Variants in CDYL2 observed in about 807,000 individuals in gnomAD.
The protein encoded by CDYL2 is chromodomain Y-like protein 2.
In CDYL2, 23 loss-of-function variants were observed where a neutral mutation model predicts 49.4. That is an observed-to-expected ratio of 0.47 (90% CI 0.34 to 0.66). CDYL2 has a LOEUF of 0.66. CDYL2 is among the 30% of genes least tolerant of loss of function. CDYL2 has a pLI of 0.01. For missense variants in CDYL2, 678 were observed against 656.4 expected, an observed-to-expected ratio of 1.03 and a Z score of -0.36; for synonymous variants, 360 against 268.8, an observed-to-expected ratio of 1.34 and a Z score of -3.32.
chr16:80,712,161 GTA>G lies in CDYL2; in HGVS notation c.25-27034_25-27033del, dbSNP rs1340610978. Among the ~76,000 whole-genome samples the G allele has an allele frequency of 1.5e-4, 19 of 128,938 alleles. 1 individual carries two copies. Among genetic ancestry groups the G allele is most frequent in the African/African-American group, 3.8e-4 (13 of 34,576 alleles). The allele number at this position is 128,938 out of a possible 152,430, so 84.6% of individuals were successfully genotyped here. ...TACATATATGTGTATATACATGTGT[GTA>G]TATATATGTGTCTTTGTGTCTGTGT... On this transcript the variant is annotated intron_variant, in intron 1 of 6. Transcript: ENST00000570137.
intron 2 of CDYL2, among the ~76,000 whole-genome samples, chr16:80,652,789 C>G (rs117934619): frequency 0.014 from 2,093 of 152,288 alleles, 14 homozygotes; most frequent in Middle Eastern, 0.024. Flanking sequence ...CACAACACCA[C>G]TCTAATCATG....
rs1211358459 is a variant in CDYL2 at position 80,759,150 on chromosome 16, A to ATATATATATGGTTTATATAT, written c.24+44999_24+45000insATATATAAACCATATATATA. On this transcript the variant is annotated intron_variant, in intron 1 of 6. Coordinates refer to ENST00000570137, the MANE Select transcript of CDYL2 (RefSeq NM_152342.4). Reference sequence around the variant, plus strand: ...TATATATATATATATGGTTTATATAAATATATGGTTTATATATATATATAT... The same window carrying ATATATATATGGTTTATATAT: ...TATATATATATATATGGTTTATATAATATATATATGGTTTATATATATATATGGTTTATATATATATATAT... 1.7e-3 allele frequency among the ~76,000 whole-genome samples: 136 copies of ATATATATATGGTTTATATAT among 80,742 alleles called. 1 individual carries two copies. The highest frequency in any genetic ancestry group is 6.7e-3 in the African/African-American group (134 of 20,022). The allele number at this position is 80,742 out of a possible 152,430, so 53.0% of individuals were successfully genotyped here. A position where few individuals can be genotyped will look rare whatever the true frequency, so the allele number is the denominator to read the frequency against.
chr16:80,661,187 G>A (rs1270963665), intron 2 of CDYL2, among the ~76,000 whole-genome samples: 2 of 152,076 alleles, frequency 1.3e-5, no homozygotes, highest in Admixed American at 6.5e-5. Context: ...AGGAAGGGAG[G>A]AAAAGTTTAG....
At chr16:80,759,102 C>A (rs1479765657) in intron 1 of CDYL2, among the ~76,000 whole-genome samples, 24 of 63,362 alleles carry the variant, frequency 3.8e-4, no homozygotes, top group East Asian at 2.5e-3. Context: ...AAACCATATA[C>A]TATATATATA....
At chr16:80,779,799 C>T (rs3098599) in intron 1 of CDYL2, among the ~76,000 whole-genome samples, 93,389 of 151,968 alleles carry the variant, frequency 0.61, 30,239 homozygotes, top group African/African-American at 0.81. Context: ...CATGTAAGTG[C>T]AAAGACAGAC....
Position 80,600,878 on chromosome 16 carries a change from A to T in CDYL2, c.*3510T>A, listed in dbSNP as rs1259963017. On this transcript the variant is annotated 3_prime_UTR_variant, in exon 7 of 7. Transcript: ENST00000570137. ...GCTATTTTTAAATGTGGATATTCAG[A>T]GATACAGTTGCATTGTTCAAAGTCT... The T allele has an allele frequency of 6.6e-6, 1 of 152,230 alleles. No homozygotes were observed. Among genetic ancestry groups the T allele is most frequent in the Non-Finnish European group, 1.5e-5 (1 of 68,032 alleles). 9.4% of individuals were successfully genotyped at this position (152,230 alleles called of 1,614,324 possible). A position where few individuals can be genotyped will look rare whatever the true frequency, so the allele number is the denominator to read the frequency against.
At chr16:80,687,830 G>A (rs1910260086) in intron 1 of CDYL2, among the ~76,000 whole-genome samples, 1 of 152,136 alleles carries the variant, frequency 6.6e-6, no homozygotes. Context: ...TATCTCTTGG[G>A]GTTGTTGCGG....
intron 4 of CDYL2, among the ~76,000 whole-genome samples, chr16:80,615,717 C>T (rs539129525): frequency 6.6e-6 from 1 of 152,114 alleles, no homozygotes; most frequent in African/African-American, 2.4e-5. Flanking sequence ...ATCCATGAAA[C>T]GGAATCAGGG....
intron 1 of CDYL2, among the ~76,000 whole-genome samples, chr16:80,786,801 T>C (rs1907450776): frequency 6.6e-6 from 1 of 152,110 alleles, no homozygotes; most frequent in Non-Finnish European, 1.5e-5. Flanking sequence ...ACCATCATTC[T>C]CAGCAAACTA....
intron 4 of CDYL2, among the ~76,000 whole-genome samples, chr16:80,614,878 A>G (rs1157530271): frequency 6.6e-6 from 1 of 151,768 alleles, no homozygotes; most frequent in East Asian, 1.9e-4. Context: ...AGAAAAAAAA[A>G]AAAAAAAAAA....
chr16:80,661,231 G>T lies in CDYL2; in HGVS notation c.616+23307C>A, dbSNP rs148797461. 3.4e-3 allele frequency among the ~76,000 whole-genome samples: 514 copies of T among 152,052 alleles called. 5 individuals carry two copies. Among genetic ancestry groups the T allele is most frequent in the African/African-American group, 0.012 (478 of 41,460 alleles). The stretch of plus-strand genomic sequence containing the variant: ...CTGAAGGATGCTATCCCCAATTGAG[G>T]GATACATTATCCATTCTGGTTCCTC... On this transcript the variant is annotated intron_variant, in intron 2 of 6. Coordinates refer to ENST00000570137, the MANE Select transcript of CDYL2 (RefSeq NM_152342.4).
At chr16:80,665,505 T>TAAAAAAAAAAAAAAA (rs35248259) in intron 2 of CDYL2, among the ~76,000 whole-genome samples, 5 of 121,638 alleles carry the variant, frequency 4.1e-5, no homozygotes, top group African/African-American at 1.7e-4. Context: ...TTTTTGCCAT[T>TAAAAAAAAAAAAAAA]AAAAAAAAAA....
intron 1 of CDYL2, among the ~76,000 whole-genome samples, chr16:80,735,907 A>AG (rs1467623060): frequency 6.6e-6 from 1 of 152,244 alleles, no homozygotes; most frequent in Non-Finnish European, 1.5e-5. Context: ...TAGAGAGAGC[A>AG]GGGCAAGGCA....
At chr16:80,666,206 G>A (rs140917679) in intron 2 of CDYL2, among the ~76,000 whole-genome samples, 117 of 152,254 alleles carry the variant, frequency 7.7e-4, no homozygotes, top group Middle Eastern at 3.4e-3. Flanking sequence ...TTGAACACAC[G>A]GAGCCTCTTT....
Position 80,748,099 on chromosome 16 carries a change from T to A in CDYL2, c.24+56051A>T, listed in dbSNP as rs550818054. On this transcript the variant is annotated intron_variant, in intron 1 of 6. Coordinates refer to ENST00000570137, the MANE Select transcript of CDYL2 (RefSeq NM_152342.4). ...GTTCAGCCATGGAGCCAGTTCACAC[T>A]CACAGGTGATTCTGGGAAGATTAAA... 4.9e-3 allele frequency among the ~76,000 whole-genome samples: 730 copies of A among 149,812 alleles called. 7 individuals are homozygous for A. Among genetic ancestry groups the A allele is most frequent in the Middle Eastern group, 0.021 (6 of 284 alleles).
chr16:80,712,213 A>ATATATATATATATATATC (rs1567581146), intron 1 of CDYL2, among the ~76,000 whole-genome samples: 4 of 107,468 alleles, frequency 3.7e-5, no homozygotes, highest in South Asian at 2.8e-4. Context: ...ATATATATAT[A>ATATATATATATATATATC]TATCTCCAAA....
intron 2 of CDYL2, among the ~76,000 whole-genome samples, chr16:80,640,789 A>G (rs150898254): frequency 1.0e-3 from 158 of 152,318 alleles, no homozygotes; most frequent in Middle Eastern, 3.4e-3. Context: ...TTGTGTAGCT[A>G]AAAAGCGTAA....
intron 2 of CDYL2, among the ~76,000 whole-genome samples, chr16:80,674,837 C>T (rs1197113709): frequency 6.6e-6 from 1 of 152,222 alleles, no homozygotes; most frequent in Non-Finnish European, 1.5e-5. Flanking sequence ...TGGTGAAGAT[C>T]TTTGTCCTTT....
intron 2 of CDYL2, chr16:80,679,826 A>G: frequency 2.2e-6 from 1 of 454,914 alleles, no homozygotes; most frequent in Non-Finnish European, 4.4e-6. Flanking sequence ...GGCTCACTGG[A>G]CCAATAGCAG....
Sources: allele counts gnomAD v4.1 joint callset (sites outside exome capture counted in the v4.1 genomes callset), GRCh38; gene constraint gnomAD v4.1.1; transcripts MANE v1.5; gene names NCBI Gene and HGNC (gene_info 2026-07-23, HGNC 2026-07-21).